FAM13A: variants seen among roughly 807,000 people sequenced by gnomAD.
The protein encoded by FAM13A is family with sequence similarity 13 member A.
Under a neutral mutation model 129.6 loss-of-function variants are expected in FAM13A, and 76 were observed. The observed-to-expected ratio is 0.59, with a 90% CI of 0.49 to 0.71. The LOEUF (loss-of-function observed/expected upper bound fraction) is 0.71. Among genes scored for constraint, FAM13A ranks in the 30% least tolerant of loss-of-function variants. The pLI, the probability that FAM13A is intolerant of heterozygous loss-of-function variation, is 0.00. For synonymous variants in FAM13A, 443 were observed against 449.9 expected (o/e 0.98, Z 0.20); for missense variants, 1,108 against 1,249.3 (o/e 0.89, Z 1.70).
At chr4:88,956,609 G>A (rs75488192) in intron 4 of FAM13A, among the ~76,000 whole-genome samples, 2 of 152,220 alleles carry the variant, frequency 1.3e-5, no homozygotes, top group African/African-American at 4.8e-5. Flanking sequence ...AAACTTAGTG[G>A]CTTAAAACAA....
At chr4:88,897,967 AC>A (rs1359304473) in intron 6 of FAM13A, among the ~76,000 whole-genome samples, 2 of 152,312 alleles carry the variant, frequency 1.3e-5, no homozygotes, top group Non-Finnish European at 2.9e-5. Context: ...GAAGCTAGTC[AC>A]AAACCAAGAC....
intron 14 of FAM13A, among the ~76,000 whole-genome samples, chr4:88,754,674 G>A (rs1445813110): frequency 6.6e-6 from 1 of 152,138 alleles, no homozygotes. Context: ...ATTTTCTTTA[G>A]TGTTCCAAAA....
At chr4:88,789,578 T>C (rs543923973) in intron 9 of FAM13A, among the ~76,000 whole-genome samples, 46 of 152,276 alleles carry the variant, frequency 3.0e-4, no homozygotes, top group African/African-American at 1.1e-3. Flanking sequence ...TGACTATTTA[T>C]TTAGTGCCTA....
intron 3 of FAM13A, 95 bp downstream of exon 3, chr4:89,020,365 C>T (rs555905305): frequency 3.8e-6 from 3 of 798,254 alleles, no homozygotes; most frequent in South Asian, 3.4e-5. Flanking sequence ...AATCTTTCTA[C>T]CTCAGCCTCC....
At chr4:88,761,923 C>G (rs1357635148) in intron 13 of FAM13A, among the ~76,000 whole-genome samples, 3 of 151,874 alleles carry the variant, frequency 2.0e-5, no homozygotes, top group Admixed American at 6.6e-5. Flanking sequence ...ATGAGTCTTA[C>G]AGAGAAGACA....
chr4:88,915,270 T>G (rs932798737), intron 5 of FAM13A, among the ~76,000 whole-genome samples: 1 of 152,200 alleles, frequency 6.6e-6, no homozygotes, highest in Non-Finnish European at 1.5e-5. Context: ...CAGAAAAAAG[T>G]AGATTTTCTT....
intron 1 of FAM13A, among the ~76,000 whole-genome samples, chr4:89,052,249 G>T (rs1708675): frequency 6.9e-6 from 1 of 145,594 alleles, no homozygotes; most frequent in African/African-American, 2.6e-5. Context: ...TCTGGGCAGC[G>T]CTTTCTTTTT....
intron 3 of FAM13A, among the ~76,000 whole-genome samples, chr4:89,003,657 A>C (rs528349359): frequency 1.3e-5 from 2 of 152,036 alleles, no homozygotes; most frequent in East Asian, 3.9e-4. Context: ...ATATACATGT[A>C]TGTAAAAAAA....
At position 88,990,781 on chromosome 4, in the gene FAM13A, A is replaced by G. The variant is rs185169198; in HGVS notation, c.605+192T>C. The G allele has an allele frequency of 1.3e-3, 574 of 449,828 alleles. 3 individuals carry two copies. Among genetic ancestry groups the G allele is most frequent in the Middle Eastern group, 5.2e-3 (9 of 1,746 alleles). The allele number at this position is 449,828 out of a possible 1,614,324, so 27.9% of individuals were successfully genotyped here. On this transcript the variant is annotated intron_variant, in intron 4 of 23. Transcript: ENST00000264344. ...TTATTGCAAATTATAGTTTTGTAAA[A>G]AGGGCATAGCTACCTTCTTCAAATT...
At chr4:88,811,038 A>G (rs1348665400) in intron 7 of FAM13A, among the ~76,000 whole-genome samples, 1 of 152,166 alleles carries the variant, frequency 6.6e-6, no homozygotes, top group Non-Finnish European at 1.5e-5. Context: ...ATGCACACTG[A>G]ATGAATGCTG....
At chr4:88,909,669 T>A (rs1303631666) in intron 5 of FAM13A, among the ~76,000 whole-genome samples, 1 of 152,118 alleles carries the variant, frequency 6.6e-6, no homozygotes, top group African/African-American at 2.4e-5. Context: ...GTATTTTTAG[T>A]AGAGATGAGG....
At chr4:89,037,163 T>C (rs1769494486) in intron 1 of FAM13A, among the ~76,000 whole-genome samples, 1 of 152,166 alleles carries the variant, frequency 6.6e-6, no homozygotes. Context: ...ATCATGTGCC[T>C]GGAAAAGCTG....
rs139850631 is a variant in FAM13A, at chr4:88,833,235, G to A, written c.1007+17785C>T. Among the ~76,000 whole-genome samples the A allele has an allele frequency of 5.6e-4, 85 of 152,270 alleles. No homozygotes were observed. In the East Asian group the frequency reaches 0.013, roughly 24 times the overall value. On this transcript the variant is annotated intron_variant, in intron 7 of 23. Coordinates refer to ENST00000264344, the MANE Select transcript of FAM13A (RefSeq NM_014883.4). Reference sequence around the variant, plus strand: ...CATACACTGGGGCCTGTTGGAGGGAGGGAGTGCATCAGGAAAAACAGCTAA... The same window carrying A: ...CATACACTGGGGCCTGTTGGAGGGAAGGAGTGCATCAGGAAAAACAGCTAA...
chr4:88,815,292 C>T (rs1243271098), intron 7 of FAM13A, among the ~76,000 whole-genome samples: 8 of 152,162 alleles, frequency 5.3e-5, no homozygotes, highest in African/African-American at 1.4e-4. Flanking sequence ...TAAAGAGCAA[C>T]TTCCGAGGCT....
intron 5 of FAM13A, among the ~76,000 whole-genome samples, chr4:88,927,936 A>G (rs1012337293): frequency 3.3e-5 from 5 of 151,842 alleles, no homozygotes; most frequent in Admixed American, 3.3e-4. Context: ...TAGTTCCTTG[A>G]GGTGTGAAGT....
At chr4:89,047,804 T>A (rs1231424484) in intron 1 of FAM13A, among the ~76,000 whole-genome samples, 3 of 152,190 alleles carry the variant, frequency 2.0e-5, no homozygotes, top group African/African-American at 7.2e-5. Flanking sequence ...CTTTTATAAT[T>A]CAATAAAACC....
intron 14 of FAM13A, among the ~76,000 whole-genome samples, chr4:88,755,011 C>T (rs757359977): frequency 3.9e-5 from 6 of 152,190 alleles, no homozygotes; most frequent in Non-Finnish European, 7.3e-5. Context: ...TCTTCTCTCC[C>T]ACTTCTCTGA....
chr4:88,973,576 G>C (rs1242576265), intron 4 of FAM13A, among the ~76,000 whole-genome samples: 2 of 97,368 alleles, frequency 2.1e-5, no homozygotes, highest in Non-Finnish European at 4.2e-5. Context: ...ATCCATTAGG[G>C]CCCTTATCCT....
chr4:89,018,290 C>T (rs937088130), intron 3 of FAM13A, among the ~76,000 whole-genome samples: 1 of 152,182 alleles, frequency 6.6e-6, no homozygotes, highest in African/African-American at 2.4e-5. Context: ...AGAGTGCACA[C>T]AGAGAAAAGG....
Sources: allele counts gnomAD v4.1 joint callset (sites outside exome capture counted in the v4.1 genomes callset), GRCh38; gene constraint gnomAD v4.1.1; transcripts MANE v1.5; gene names NCBI Gene and HGNC (gene_info 2026-07-23, HGNC 2026-07-21).